Variants in NDUFA10 observed in about 807,000 individuals in gnomAD.
NDUFA10 encodes NADH:ubiquinone oxidoreductase subunit A10, also known as NADH dehydrogenase [ubiquinone] 1 alpha subcomplex subunit 10, mitochondrial.
NDUFA10 carries 40 observed loss-of-function variants against 47.8 expected under a neutral mutation model. That is an observed-to-expected ratio of 0.84 (90% CI 0.65 to 1.09). The LOEUF is 1.09. Among genes scored for constraint, NDUFA10 ranks in the 50% least tolerant of loss-of-function variants. NDUFA10 has a pLI of 0.00. For missense variants in NDUFA10, 413 were observed against 451.1 expected, an observed-to-expected ratio of 0.92 and a Z score of 0.76; for synonymous variants, 183 against 172.2, an observed-to-expected ratio of 1.06 and a Z score of -0.49.
chr2:239,966,848 CTTTTTT>C (rs71045922), intron 9 of NDUFA10, among the ~76,000 whole-genome samples: 5 of 113,824 alleles, frequency 4.4e-5, no homozygotes, highest in East Asian at 5.1e-4. Context: ...GCAAGGATTT[CTTTTTT>C]TTTTTTTTTT....
chr2:239,984,351 G>A (rs144705392), intron 9 of NDUFA10, among the ~76,000 whole-genome samples: 2 of 152,280 alleles, frequency 1.3e-5, no homozygotes, highest in East Asian at 3.9e-4. Context: ...AGATATGAGA[G>A]CTCACTACTA....
intron 4 of NDUFA10, chr2:240,017,951 C>T: frequency 1.4e-6 from 2 of 1,470,884 alleles, no homozygotes. Context: ...CAGGCCTATT[C>T]AACCCACCGC....
At chr2:239,931,326 T>C (rs1694170256) in intron 4 of NDUFA10, among the ~76,000 whole-genome samples, 1 of 152,178 alleles carries the variant, frequency 6.6e-6, no homozygotes, top group Admixed American at 6.5e-5. Context: ...CCCCTGCCCG[T>C]CCTCACACAG....
rs75013254 is a variant in NDUFA10, at chr2:239,997,663, A to C, written c.891-7481T>G. 3.0e-3 allele frequency among the ~76,000 whole-genome samples: 453 copies of C among 152,364 alleles called. 12 individuals are homozygous for C. The East Asian group carries it at 0.043, about 14-fold the overall frequency. ...TGCTCTTTACTGTATTATGAACATG[A>C]AGAAACTGAAATAATCCAAGAGATC... On this transcript the variant is annotated intron_variant, in intron 8 of 9. Transcript: ENST00000252711.
At chr2:239,898,937 ACGGAGGGG>A (rs1693456398) in intron 4 of NDUFA10, among the ~76,000 whole-genome samples, 1 of 142,564 alleles carries the variant, frequency 7.0e-6, no homozygotes, top group East Asian at 2.1e-4. Flanking sequence ...GAGGGGTGTG[ACGGAGGGG>A]TGTGGAGGGG....
chr2:239,953,546 T>C (rs1053788791), downstream of NDUFA10, among the ~76,000 whole-genome samples: 6 of 151,544 alleles, frequency 4.0e-5, no homozygotes, highest in African/African-American at 1.5e-4. Flanking sequence ...AACAGGAGGG[T>C]TTCTCACCCT....
intron 5 of NDUFA10, chr2:240,013,040 A>G (rs1413870514): frequency 6.6e-6 from 1 of 152,282 alleles, no homozygotes; most frequent in Non-Finnish European, 1.5e-5. Flanking sequence ...TGATTATAAA[A>G]GAAACTCTAG....
chr2:239,897,296 G>T (rs1230095935), intron 4 of NDUFA10, among the ~76,000 whole-genome samples: 1 of 151,844 alleles, frequency 6.6e-6, no homozygotes, highest in Non-Finnish European at 1.5e-5. Context: ...AAAAATTCAA[G>T]AAAAATCCTA....
intron 8 of NDUFA10, among the ~76,000 whole-genome samples, chr2:240,000,288 C>A (rs1696651899): frequency 6.6e-6 from 1 of 152,180 alleles, no homozygotes. Flanking sequence ...CGTGTTACTG[C>A]CCGTGAAGGC....
At chr2:240,021,464 C>T (rs751432152) in intron 2 of NDUFA10, 52 bp from the exon 3 acceptor site, 2 of 1,541,332 alleles carry the variant, frequency 1.3e-6, no homozygotes, top group Non-Finnish European at 8.9e-7. Flanking sequence ...TCACTCCCCG[C>T]AGGGAGCAGT....
chr2:239,960,037 C>A lies in NDUFA10; in HGVS notation c.*1081G>T, dbSNP rs1273927316. 1 of 984,644 alleles carries A rather than the reference C, an allele frequency of 1.0e-6. No individual in the cohort carries two copies. Among genetic ancestry groups the A allele is most frequent in the African/African-American group, 1.7e-5 (1 of 57,238 alleles). The allele number at this position is 984,644 out of a possible 1,614,324, so 61.0% of individuals were successfully genotyped here. On this transcript the variant is annotated 3_prime_UTR_variant, in exon 10 of 10. Transcript: ENST00000252711. ...CTATGGCCAGTGCAACCAAGGAACC[C>A]AATTTTAAACTCTATTACATTTTAG...
At position 239,928,862 on chromosome 2, in the gene NDUFA10, C is replaced by T. The variant is rs1694109019; in HGVS notation, c.295-33548G>A. Among the ~76,000 whole-genome samples the T allele has an allele frequency of 6.6e-6, 1 of 152,190 alleles. No homozygotes were observed. The highest frequency in any genetic ancestry group is 2.1e-4 in the South Asian group (1 of 4,834). ...TCCTTCACCCCACTCCTCCCATCAGCGGATCCTCCGCGAATCCTCCCAGCC... is the reference window on the plus strand; with the variant it reads ...TCCTTCACCCCACTCCTCCCATCAGTGGATCCTCCGCGAATCCTCCCAGCC... On this transcript the variant is annotated intron_variant, in intron 4 of 5. Coordinates refer to the NDUFA10 transcript ENST00000419408. This position sits in a 1 kb window ranked among gnomAD's most constrained non-coding sequence, Gnocchi z 4.3.
At chr2:239,965,652 CGGTGAACTATCTCA>C (rs1695029919) in intron 9 of NDUFA10, among the ~76,000 whole-genome samples, 1 of 152,150 alleles carries the variant, frequency 6.6e-6, no homozygotes, top group South Asian at 2.1e-4. Context: ...AAAGGGCATG[CGGTGAACTATCTCA>C]GGTGAACTAT....
intron 8 of NDUFA10, among the ~76,000 whole-genome samples, chr2:239,993,154 T>C (rs1696322358): frequency 6.6e-6 from 1 of 152,158 alleles, no homozygotes; most frequent in Non-Finnish European, 1.5e-5. Flanking sequence ...TTCTCTATGC[T>C]CCGATAAGCA....
intron 4 of NDUFA10, among the ~76,000 whole-genome samples, chr2:239,905,137 A>G (rs1693623385): frequency 6.6e-6 from 1 of 152,094 alleles, no homozygotes; most frequent in Admixed American, 6.5e-5. Flanking sequence ...GTATAAACTC[A>G]CTGGATCCTT....
intron 4 of NDUFA10, among the ~76,000 whole-genome samples, chr2:239,899,478 A>T (rs1210769774): frequency 1.6e-5 from 2 of 122,060 alleles, no homozygotes; most frequent in African/African-American, 5.2e-5. Context: ...GAGGGGTGTG[A>T]TGGAGAGGTG....
chr2:239,977,271 C>T lies in NDUFA10; in HGVS notation c.999+12803G>A, dbSNP rs568935351. On this transcript the variant is annotated intron_variant, in intron 9 of 9. Transcript: ENST00000252711. ...CCATCCATTGGCAGGTGCAGGTGGGCGAGCACAGGCACCTGGGATCCGGAG... is the reference window on the plus strand; with the variant it reads ...CCATCCATTGGCAGGTGCAGGTGGGTGAGCACAGGCACCTGGGATCCGGAG... Among the ~76,000 whole-genome samples the T allele has an allele frequency of 4.9e-4, 74 of 152,278 alleles. 1 individual carries two copies. The South Asian group carries it at 7.2e-3, about 15-fold the overall frequency.
chr2:239,955,718 A>C (rs991821973), downstream of NDUFA10, among the ~76,000 whole-genome samples: 12 of 152,190 alleles, frequency 7.9e-5, no homozygotes, highest in African/African-American at 2.9e-4. Flanking sequence ...AAGATAGGGC[A>C]GGCCCAAGGG....
At chr2:239,978,096 T>C (rs11684834) in intron 9 of NDUFA10, among the ~76,000 whole-genome samples, 548 of 152,184 alleles carry the variant, frequency 3.6e-3, no homozygotes, top group Non-Finnish European at 5.2e-3. Flanking sequence ...CTTGGTGAAC[T>C]GGGATCTCTG....
Sources: gnomAD v4.1 joint callset for allele counts (sites outside exome capture counted in the v4.1 genomes callset) on GRCh38, gnomAD v4.1.1 for gene constraint, Gnocchi (gnomAD v3.1) non-coding constraint, MANE v1.5 for transcripts, NCBI Gene and HGNC (gene_info 2026-07-23, HGNC 2026-07-21) for gene names.